Variants in RAI1 observed in about 807,000 individuals in gnomAD.
RAI1 encodes the protein retinoic acid induced 1, also known as retinoic acid-induced protein 1.
Under a neutral mutation model 123.8 loss-of-function variants are expected in RAI1, and 9 were observed. The observed-to-expected ratio is 0.07, with a 90% CI of 0.04 to 0.13. RAI1 has a LOEUF of 0.13. Among genes scored for constraint, RAI1 ranks in the 10% least tolerant of loss-of-function variants. The probability of loss-of-function intolerance (pLI) is 1.00; values close to 1 mark genes in which losing one functional copy is unlikely to be tolerated. For synonymous variants in RAI1, 1,231 were observed against 1,127.3 expected, an observed-to-expected ratio of 1.09 and a Z score of -1.84; for missense variants, 2,256 against 2,545.8, an observed-to-expected ratio of 0.89 and a Z score of 2.45.
Position 17,702,931 on chromosome 17 carries a change from G to A in RAI1, c.-148-21097G>A, listed in dbSNP as rs923466109. ...GTGTTTGTAACTGCGGAGCTGTGCG[G>A]CATCAGTAATGCATCTGCTGCTGCT... is the stretch of plus-strand genomic sequence containing the variant. On this transcript the variant is annotated intron_variant, in intron 1 of 5. Coordinates refer to ENST00000353383, the MANE Select transcript of RAI1 (RefSeq NM_030665.4). Among the ~76,000 whole-genome samples the A allele has an allele frequency of 6.6e-5, 10 of 152,324 alleles. No individual in the cohort carries two copies. In the East Asian group the frequency reaches 1.9e-3, roughly 29 times the overall value.
chr17:17,803,085 C>CAAAAAAAAAAAAAAAAAAAA (rs1167089282), intron 3 of RAI1, among the ~76,000 whole-genome samples: 1 of 55,946 alleles, frequency 1.8e-5, no homozygotes, highest in East Asian at 6.5e-4. Flanking sequence ...AATTCTGTCT[C>CAAAAAAAAAAAAAAAAAAAA]AAAAAAAAAA....
At chr17:17,741,256 A>T (rs1180352047) in intron 2 of RAI1, among the ~76,000 whole-genome samples, 1 of 152,080 alleles carries the variant, frequency 6.6e-6, no homozygotes, top group African/African-American at 2.4e-5. Context: ...AAAAAAAGAG[A>T]GAGAAAGGAA....
chr17:17,703,926 C>T (rs1915312913), intron 1 of RAI1, among the ~76,000 whole-genome samples: 1 of 152,316 alleles, frequency 6.6e-6, no homozygotes, highest in South Asian at 2.1e-4. Flanking sequence ...GCTGGGGAGC[C>T]TTAGAGCATG....
chr17:17,704,677 A>C (rs9909618), intron 1 of RAI1, among the ~76,000 whole-genome samples: 1 of 151,950 alleles, frequency 6.6e-6, no homozygotes, highest in Non-Finnish European at 1.5e-5. Flanking sequence ...ATGAGTAGTA[A>C]GTGAAACTCC....
At chr17:17,770,648 T>G (rs2031118643) in intron 2 of RAI1, among the ~76,000 whole-genome samples, 1 of 141,058 alleles carries the variant, frequency 7.1e-6, no homozygotes, top group Non-Finnish European at 1.6e-5. Context: ...TGGGGGTGGG[T>G]AGCGACTTGG....
At chr17:17,790,152 A>G (rs2031961397) in intron 2 of RAI1, among the ~76,000 whole-genome samples, 1 of 152,132 alleles carries the variant, frequency 6.6e-6, no homozygotes, top group African/African-American at 2.4e-5. Context: ...TTGAAAAGTA[A>G]TCATAATCAT....
intron 2 of RAI1, chr17:17,778,838 C>T (rs190628598): frequency 1.2e-3 from 544 of 456,768 alleles, no homozygotes; most frequent in Non-Finnish European, 2.1e-3. Flanking sequence ...GGCTCTCTCC[C>T]CCAGATGCTG....
At chr17:17,788,357 C>A (rs1458691973) in intron 2 of RAI1, among the ~76,000 whole-genome samples, 1 of 152,188 alleles carries the variant, frequency 6.6e-6, no homozygotes, top group Non-Finnish European at 1.5e-5. Context: ...TCCTCCCATT[C>A]AAGCCAGGCC....
intron 2 of RAI1, among the ~76,000 whole-genome samples, chr17:17,724,987 C>A (rs1322938208): frequency 2.4e-5 from 1 of 41,348 alleles, no homozygotes; most frequent in Non-Finnish European, 4.5e-5. Flanking sequence ...TGAAATCTCG[C>A]ACCTCTGCCG....
At chr17:17,730,176 GT>G (rs1916221090) in intron 2 of RAI1, among the ~76,000 whole-genome samples, 1 of 152,238 alleles carries the variant, frequency 6.6e-6, no homozygotes, top group African/African-American at 2.4e-5. Context: ...CAGGAGAACA[GT>G]TTTTGTGATG....
intron 2 of RAI1, among the ~76,000 whole-genome samples, chr17:17,726,102 A>G (rs1916081384): frequency 6.6e-6 from 1 of 152,050 alleles, no homozygotes; most frequent in African/African-American, 2.4e-5. Context: ...ACCTTGTGGG[A>G]GGCGGAAATG....
At chr17:17,693,792 A>G (rs1036320467) in intron 1 of RAI1, among the ~76,000 whole-genome samples, 2 of 152,150 alleles carry the variant, frequency 1.3e-5, no homozygotes, top group Admixed American at 6.5e-5. Context: ...GGGAAGGGAG[A>G]GGAAGGAACG....
At chr17:17,805,755 G>A (rs543914302) in intron 4 of RAI1, among the ~76,000 whole-genome samples, 78 of 152,278 alleles carry the variant, frequency 5.1e-4, no homozygotes, top group African/African-American at 1.8e-3. Context: ...CTGGCTTCAC[G>A]CTCCCACTCT....
rs758680926 is a variant in RAI1 at position 17,795,967 on chromosome 17, C to T, written c.3019C>T (p.Leu1007=). Residue 1007 remains leucine, a synonymous_variant, in exon 3 of 6, where the codon CTG becomes TTG. Coordinates refer to ENST00000353383, the MANE Select transcript of RAI1 (RefSeq NM_030665.4). This position sits in a 1 kb window ranked among gnomAD's most constrained non-coding sequence, Gnocchi z 5.9. ...ACGGAGCCGTCGGGTGCACCGGGGG[C>T]TGCCCGAGGCCGAGGACTCCCCATG... ...SLRSRRVHRG[L]PEAEDSPCRA... is the part of the protein sequence containing the mutation. 6.2e-7 allele frequency: 1 copy of T among 1,603,462 alleles called. No homozygotes were observed. The highest frequency in any genetic ancestry group is 1.7e-5 in the Admixed American group (1 of 59,104).
intron 2 of RAI1, among the ~76,000 whole-genome samples, chr17:17,738,903 G>A (rs910221871): frequency 2.0e-5 from 3 of 152,224 alleles, no homozygotes; most frequent in East Asian, 3.9e-4. Context: ...ATAAGTACAC[G>A]GGCCCCAGCC....
At chr17:17,802,592 C>T (rs577882084) in intron 3 of RAI1, among the ~76,000 whole-genome samples, 6 of 151,930 alleles carry the variant, frequency 3.9e-5, no homozygotes, top group Non-Finnish European at 5.9e-5. Context: ...CTGGCTAACA[C>T]GGAGAAACCC....
At chr17:17,708,910 G>A (rs1043437255) in intron 1 of RAI1, among the ~76,000 whole-genome samples, 4 of 152,228 alleles carry the variant, frequency 2.6e-5, no homozygotes, top group African/African-American at 9.7e-5. Flanking sequence ...GTTGAACCCT[G>A]TGTCCCGTGC....
At chr17:17,805,175 T>A (rs769636538) in intron 4 of RAI1, among the ~76,000 whole-genome samples, 1 of 152,152 alleles carries the variant, frequency 6.6e-6, no homozygotes, top group Admixed American at 6.5e-5. Flanking sequence ...GTAGCGTTTT[T>A]AATGTGTGGT....
At chr17:17,769,580 G>A (rs963598831) in intron 2 of RAI1, among the ~76,000 whole-genome samples, 3 of 152,220 alleles carry the variant, frequency 2.0e-5, no homozygotes, top group Non-Finnish European at 2.9e-5. Context: ...AGGAGATCCC[G>A]CTGGCAGCTG....
Sources: gnomAD v4.1 joint callset for allele counts (sites outside exome capture counted in the v4.1 genomes callset) on GRCh38, gnomAD v4.1.1 for gene constraint, Gnocchi (gnomAD v3.1) non-coding constraint, MANE v1.5 for transcripts, NCBI Gene and HGNC (gene_info 2026-07-23, HGNC 2026-07-21) for gene names.